The following FSTL5 variants were observed in gnomAD, a reference collection of about 807,000 sequenced individuals.
FSTL5 encodes follistatin like 5.
A neutral mutation model predicts 89.1 loss-of-function variants in FSTL5; 62 were observed. That is an observed-to-expected ratio of 0.70 (90% CI 0.57 to 0.86). The LOEUF (loss-of-function observed/expected upper bound fraction) is 0.86, where lower values mean the gene tolerates loss of function less well. Among genes scored for constraint, FSTL5 ranks in the 40% least tolerant of loss-of-function variants. The pLI, the probability that FSTL5 is intolerant of heterozygous loss-of-function variation, is 0.00. For missense variants in FSTL5, 1,057 were observed against 1,001.6 expected (o/e 1.06, Z -0.75); for synonymous variants, 383 against 346.2 (o/e 1.11, Z -1.18).
intron 7 of FSTL5, among the ~76,000 whole-genome samples, chr4:161,602,253 A>G (rs190499970): frequency 1.2e-3 from 145 of 122,728 alleles, no homozygotes; most frequent in Middle Eastern, 4.7e-3. Flanking sequence ...GAGGGAGAGA[A>G]AGAGAGAGAG....
intron 15 of FSTL5, among the ~76,000 whole-genome samples, chr4:161,421,804 G>C (rs1188040467): frequency 2.0e-5 from 3 of 152,090 alleles, no homozygotes; most frequent in Non-Finnish European, 2.9e-5. Flanking sequence ...CTGGGGCATT[G>C]GTTTTCTACT....
intron 13 of FSTL5, among the ~76,000 whole-genome samples, chr4:161,465,189 T>A (rs1028831804): frequency 5.9e-5 from 9 of 152,134 alleles, no homozygotes; most frequent in African/African-American, 2.2e-4. Flanking sequence ...AAATAAGATT[T>A]TTTTAAGATT....
At chr4:161,477,233 G>C (rs976872664) in intron 13 of FSTL5, among the ~76,000 whole-genome samples, 2 of 150,830 alleles carry the variant, frequency 1.3e-5, no homozygotes, top group African/African-American at 4.9e-5. Flanking sequence ...CCATCTCATA[G>C]TAATTTATCT....
At chr4:161,401,393 T>C (rs1450002305) in intron 15 of FSTL5, among the ~76,000 whole-genome samples, 1 of 152,222 alleles carries the variant, frequency 6.6e-6, no homozygotes, top group Non-Finnish European at 1.5e-5. Context: ...GTAATTTCAT[T>C]GGTTTGGTTT....
intron 4 of FSTL5, among the ~76,000 whole-genome samples, chr4:161,777,826 G>T (rs1302825486): frequency 6.6e-6 from 1 of 152,152 alleles, no homozygotes; most frequent in African/African-American, 2.4e-5. Context: ...AGGTGCAGTG[G>T]CTCATGTCTG....
At chr4:161,819,233 T>C (rs755611837) in intron 4 of FSTL5, among the ~76,000 whole-genome samples, 67 of 152,142 alleles carry the variant, frequency 4.4e-4, no homozygotes, top group Non-Finnish European at 8.8e-4. Context: ...TTGTTTTTCA[T>C]GATCAGAACT....
intron 6 of FSTL5, among the ~76,000 whole-genome samples, chr4:161,728,732 A>G (rs1215058450): frequency 6.6e-6 from 1 of 152,178 alleles, no homozygotes; most frequent in Non-Finnish European, 1.5e-5. Flanking sequence ...AAGATGTGAC[A>G]ATGTAATAAA....
At chr4:161,719,298 T>G (rs1167196957) in intron 6 of FSTL5, among the ~76,000 whole-genome samples, 2 of 152,188 alleles carry the variant, frequency 1.3e-5, no homozygotes, top group Non-Finnish European at 2.9e-5. Context: ...TTAATTGGCC[T>G]ATATGCCTGG....
chr4:161,833,318 G>C (rs1730911766), intron 4 of FSTL5, among the ~76,000 whole-genome samples: 1 of 151,850 alleles, frequency 6.6e-6, no homozygotes, highest in Non-Finnish European at 1.5e-5. Flanking sequence ...GTCAATTTTG[G>C]AATAGGTGTG....
intron 6 of FSTL5, among the ~76,000 whole-genome samples, chr4:161,736,752 A>G (rs1739830509): frequency 6.6e-6 from 1 of 152,120 alleles, no homozygotes; most frequent in Admixed American, 6.6e-5. Flanking sequence ...AGGCAGTTAA[A>G]AACAGATTCC....
intron 5 of FSTL5, among the ~76,000 whole-genome samples, chr4:161,768,962 A>T (rs1357525151): frequency 6.6e-6 from 1 of 151,960 alleles, no homozygotes; most frequent in Admixed American, 6.6e-5. Flanking sequence ...TTAAGGTAAA[A>T]GGAAAGAAAA....
intron 2 of FSTL5, among the ~76,000 whole-genome samples, chr4:162,080,946 T>C (rs1010994830): frequency 4.6e-5 from 7 of 151,768 alleles, no homozygotes; most frequent in Admixed American, 6.6e-5. Context: ...ATAAGCTGCG[T>C]TGGTTTAAAA....
At chr4:161,671,442 G>A (rs527258263) in intron 6 of FSTL5, among the ~76,000 whole-genome samples, 4 of 152,260 alleles carry the variant, frequency 2.6e-5, no homozygotes, top group South Asian at 2.1e-4. Context: ...AGCAGTTGCC[G>A]CTAAGACCTA....
chr4:161,438,006 G>C (rs1732631182), intron 15 of FSTL5, among the ~76,000 whole-genome samples: 1 of 152,144 alleles, frequency 6.6e-6, no homozygotes, highest in South Asian at 2.1e-4. Context: ...AGGATTAATG[G>C]TCTATAAATG....
At chr4:162,159,623 T>C (rs1165068923) in intron 1 of FSTL5, among the ~76,000 whole-genome samples, 2 of 151,980 alleles carry the variant, frequency 1.3e-5, no homozygotes, top group African/African-American at 4.8e-5. Flanking sequence ...AATAAAAATA[T>C]GTTATGCGCA....
chr4:161,632,155 C>T (rs1292576229), intron 7 of FSTL5, among the ~76,000 whole-genome samples: 5 of 151,938 alleles, frequency 3.3e-5, no homozygotes, highest in Non-Finnish European at 5.9e-5. Flanking sequence ...CTGAGGCAGG[C>T]GAATCATGAG....
chr4:161,618,128 T>C (rs1323955138), intron 7 of FSTL5, among the ~76,000 whole-genome samples: 2 of 146,646 alleles, frequency 1.4e-5, no homozygotes, highest in African/African-American at 5.1e-5. Context: ...TCTGTTTGTC[T>C]GTTATTGGTG....
chr4:161,626,268 C>T (rs539935974), intron 7 of FSTL5, among the ~76,000 whole-genome samples: 5 of 152,132 alleles, frequency 3.3e-5, no homozygotes, highest in East Asian at 1.9e-4. Context: ...AAAAACAGGC[C>T]GATTCTCTTG....
chr4:161,833,167 C>T (rs1730905570), intron 4 of FSTL5, among the ~76,000 whole-genome samples: 1 of 151,742 alleles, frequency 6.6e-6, no homozygotes, highest in African/African-American at 2.4e-5. Context: ...GCAGGTTGTT[C>T]AGTATCCATG....
Sources: allele counts gnomAD v4.1 joint callset (sites outside exome capture counted in the v4.1 genomes callset), GRCh38; gene constraint gnomAD v4.1.1; transcripts MANE v1.5; gene names NCBI Gene and HGNC (gene_info 2026-07-23, HGNC 2026-07-21).